Variants in CHD1 observed in about 807,000 individuals in gnomAD.
The protein encoded by CHD1 is ATP-dependent chromatin remodeler CHD1.
CHD1 carries 36 observed loss-of-function variants against 224.2 expected under a neutral mutation model. The observed-to-expected ratio is 0.16, with a 90% confidence interval of 0.12 to 0.21. The LOEUF is 0.21. Ranked by LOEUF, CHD1 falls within the 10% of genes least tolerant of loss-of-function variation. CHD1 has a pLI of 1.00. For synonymous variants in CHD1, 668 were observed against 658.3 expected (o/e 1.01, Z -0.23); for missense variants, 1,378 against 1,994.8 (o/e 0.69, Z 5.89).
At chr5:98,873,205 G>A (rs184476170) in intron 26 of CHD1, among the ~76,000 whole-genome samples, 7 of 152,096 alleles carry the variant, frequency 4.6e-5, no homozygotes, top group Non-Finnish European at 7.4e-5. Context: ...AAATAATTAT[G>A]TCCCAAACCA....
At chr5:98,890,989 C>A (rs1750981634) in intron 15 of CHD1, among the ~76,000 whole-genome samples, 1 of 152,128 alleles carries the variant, frequency 6.6e-6, no homozygotes, top group African/African-American at 2.4e-5. Context: ...ACAGAGAAAA[C>A]TTGAACACTG....
At position 98,856,555 on chromosome 5, in the gene CHD1, T is replaced by G. The variant is rs749154860; in HGVS notation, c.4958A>C (p.Lys1653Thr). The change falls in exon 36 of 36, where the codon AAA becomes ACA. Residue 1653 changes from lysine (K) to threonine (T), a missense_variant. Transcript: ENST00000614616. ...GTGATACCTATAATCCCTGGAAGAT[T>G]TATGGTGCGTATATTCAGAACTTGA... The part of the protein sequence containing the change: ...HRSSSEYTHH[K>T]SSRDYRYHSD... 26 of 1,613,724 alleles carry G rather than the reference T, an allele frequency of 1.6e-5. No homozygotes were observed. Among genetic ancestry groups the G allele is most frequent in the South Asian group, 2.2e-5 (2 of 91,074 alleles).
chr5:98,898,198 A>G (rs1295747483), intron 10 of CHD1, 58 bp downstream of exon 10: 2 of 959,950 alleles, frequency 2.1e-6, no homozygotes, highest in African/African-American at 3.4e-5. Flanking sequence ...TTAGGCTTGT[A>G]AATATTTATA....
chr5:98,869,813 C>T lies in CHD1; in HGVS notation c.4048G>A (p.Glu1350Lys). 6.2e-7 allele frequency: 1 copy of T among 1,611,968 alleles called. No individual in the cohort carries two copies. The highest frequency in any genetic ancestry group is 8.5e-7 in the Non-Finnish European group (1 of 1,178,184). ...AGAGGAGAAGAATCACTCTTTATTT[C>T]CTCTTTCACTTTTATAGACTTCATT... ...KAMKSIKVKE[E>K]IKSDSSPLPS... is the part of the protein sequence containing the mutation. The change falls in exon 30 of 36, where the codon GAA becomes AAA. Residue 1350 changes from glutamate to lysine, a missense_variant. Physicochemically the swap from Glu to Lys is moderately conservative, Grantham distance 56. Coordinates refer to ENST00000614616, the MANE Select transcript of CHD1 (RefSeq NM_001270.4).
Position 98,855,699 on chromosome 5 carries a change from T to C in CHD1, c.*681A>G, listed in dbSNP as rs1747973184. On this transcript the variant is annotated 3_prime_UTR_variant, in exon 36 of 36. Coordinates refer to ENST00000614616, the MANE Select transcript of CHD1 (RefSeq NM_001270.4). Reference sequence around the variant, plus strand: ...TTTTTTTTAATAAGAAGGCCTGAGTTGGTAGGGAAAGGAACAGTCAAAAAA... The same window carrying C: ...TTTTTTTTAATAAGAAGGCCTGAGTCGGTAGGGAAAGGAACAGTCAAAAAA... 1 of 150,452 alleles carries C rather than the reference T, an allele frequency of 6.6e-6. No homozygotes were observed. Among genetic ancestry groups the C allele is most frequent in the South Asian group, 2.1e-4 (1 of 4,746 alleles). 9.3% of individuals were successfully genotyped at this position (150,452 alleles called of 1,614,324 possible).
chr5:98,857,861 ACTT>A (rs1748156711), intron 35 of CHD1, among the ~76,000 whole-genome samples: 2 of 151,886 alleles, frequency 1.3e-5, no homozygotes, highest in African/African-American at 4.8e-5. Flanking sequence ...CTTTTATCCC[ACTT>A]ATTATATTTT....
chr5:98,926,344 CACT>C lies in CHD1; in HGVS notation c.40_42del (p.Ser14del). 6.5e-7 allele frequency: 1 copy of C among 1,531,280 alleles called. No homozygotes were observed. Among genetic ancestry groups the C allele is most frequent in the African/African-American group, 1.4e-5 (1 of 70,546 alleles). The allele number at this position is 1,531,280 out of a possible 1,614,324, so 94.9% of individuals were successfully genotyped here. Reference sequence around the variant, plus strand: ...AAAGTGCTTACTTACCTTGATTCTCCACTACTGTTTCTAACACTTTCTTCATCA... The same window carrying C: ...AAAGTGCTTACTTACCTTGATTCTCCACTGTTTCTAACACTTTCTTCATCA... On this transcript the variant is annotated inframe_deletion, in exon 2 of 36. Transcript: ENST00000614616.
At chr5:98,865,491 T>C (rs1014714077) in intron 31 of CHD1, among the ~76,000 whole-genome samples, 3 of 152,212 alleles carry the variant, frequency 2.0e-5, no homozygotes, top group Admixed American at 6.5e-5. Flanking sequence ...ACCCTGACAA[T>C]AGTCCTTTGC....
In CHD1 at chr5:98,900,789, T is replaced by C. The variant is rs527798910; in HGVS notation, c.859+22A>G. 8 of 1,594,478 alleles carry C rather than the reference T, an allele frequency of 5.0e-6. No individual in the cohort carries two copies. The South Asian group carries it at 9.0e-5, about 18-fold the overall frequency. ...AAATATTATTTAAATAACCAAACAA[T>C]AAATGGTTTTTTAAAAACTACCTCC... On this transcript the variant is annotated intron_variant, in intron 7 of 35. Transcript: ENST00000614616.
intron 15 of CHD1, among the ~76,000 whole-genome samples, chr5:98,891,670 G>C (rs1751026630): frequency 6.6e-6 from 1 of 152,070 alleles, no homozygotes. Context: ...AATCAGCAGG[G>C]CATTGTGGGG....
At chr5:98,901,398 CA>C (rs1279260959) in intron 5 of CHD1, 63 bp from the exon 6 acceptor site, 2 of 1,295,030 alleles carry the variant, frequency 1.5e-6, no homozygotes, top group East Asian at 2.4e-5. Flanking sequence ...ATCCCTAATA[CA>C]AAGATGATCA....
intron 31 of CHD1, among the ~76,000 whole-genome samples, chr5:98,866,496 G>A (rs527521120): frequency 6.6e-6 from 1 of 152,098 alleles, no homozygotes; most frequent in Non-Finnish European, 1.5e-5. Context: ...GATAAGCTGG[G>A]GATCTAGAAG....
intron 15 of CHD1, 30 bp downstream of exon 15, chr5:98,892,495 G>T (rs1190176750): frequency 5.9e-6 from 9 of 1,538,292 alleles, no homozygotes; most frequent in Non-Finnish European, 8.0e-6. Flanking sequence ...AGAATTAGAA[G>T]TTCAGAACTG....
chr5:98,928,314 C>T (rs1272509172), intron 1 of CHD1, among the ~76,000 whole-genome samples: 2 of 152,094 alleles, frequency 1.3e-5, no homozygotes, highest in Non-Finnish European at 2.9e-5. Flanking sequence ...CGGGGCAGGG[C>T]CGCCGGGCCG....
intron 7 of CHD1, 71 bp downstream of exon 7, chr5:98,900,740 C>T: frequency 7.3e-7 from 1 of 1,374,184 alleles, no homozygotes; most frequent in Non-Finnish European, 1.0e-6. Context: ...GGGCGACCCA[C>T]TGTGCCCAGC....
chr5:98,902,956 A>G lies in CHD1; in HGVS notation c.381T>C (p.Ser127=). Residue 127 remains serine, a synonymous_variant, in exon 5 of 36, where the codon TCT becomes TCC. Coordinates refer to ENST00000614616, the MANE Select transcript of CHD1 (RefSeq NM_001270.4). ...SSNSGSEEDS[S]SSEDSDDSSS... ...ATGAGTCATCGGAATCTTCACTGCT[A>G]GAGGAATCCTGTAGAAAAGAAATAA... 1.3e-6 allele frequency: 2 copies of G among 1,593,770 alleles called. No individual in the cohort carries two copies. The highest frequency in any genetic ancestry group is 1.7e-6 in the Non-Finnish European group (2 of 1,164,130).
At chr5:98,866,114 C>CAAAAACAAAAACA (rs1028782126) in intron 31 of CHD1, among the ~76,000 whole-genome samples, 3 of 151,144 alleles carry the variant, frequency 2.0e-5, no homozygotes, top group African/African-American at 7.3e-5. Flanking sequence ...AGGTAAAAAA[C>CAAAAACAAAAACA]AAAAACAAAA....
rs755864254 is a variant in CHD1 at position 98,856,652 on chromosome 5, C to G, written c.4861G>C (p.Gly1621Arg). ...GAATGAGATCTATCTTTTAAACTTC[C>G]TTCCAAATTTGACCTGTGATCTCTA... ...RSRDHRSNLEGSLKDRSHSDH... is the reference protein window; with the variant it reads ...RSRDHRSNLERSLKDRSHSDH... The change falls in exon 36 of 36, where the codon GGA (glycine) becomes CGA (arginine). Residue 1621 changes from glycine (G) to arginine (R), a missense_variant. Transcript: ENST00000614616. 1.2e-6 allele frequency: 2 copies of G among 1,613,732 alleles called. No homozygotes were observed. Among genetic ancestry groups the G allele is most frequent in the East Asian group, 4.5e-5 (2 of 44,880 alleles).
Position 98,856,539 on chromosome 5 carries a change from A to G in CHD1, c.4974T>C (p.Tyr1658=), listed in dbSNP as rs111591003. 2 of 1,613,866 alleles carry G rather than the reference A, an allele frequency of 1.2e-6. No homozygotes were observed. Among genetic ancestry groups the G allele is most frequent in the Non-Finnish European group, 1.7e-6 (2 of 1,179,816 alleles). The part of the protein sequence containing the change: ...EYTHHKSSRD[Y]RYHSDWQMDH... The stretch of plus-strand genomic sequence containing the variant: ...CCATTTGCCAGTCTGAGTGATACCT[A>G]TAATCCCTGGAAGATTTATGGTGCG... The change falls in exon 36 of 36, where the codon TAT becomes TAC. Residue 1658 remains tyrosine, a synonymous_variant. Coordinates refer to ENST00000614616, the MANE Select transcript of CHD1 (RefSeq NM_001270.4).
Sources: allele counts gnomAD v4.1 joint callset (sites outside exome capture counted in the v4.1 genomes callset), GRCh38; gene constraint gnomAD v4.1.1; transcripts MANE v1.5; gene names NCBI Gene and HGNC (gene_info 2026-07-23, HGNC 2026-07-21).